IRAG2: variants seen among roughly 807,000 people sequenced by gnomAD.
IRAG2 encodes inositol 1,4,5-triphosphate receptor associated 2, also known as lymphoid restricted membrane protein.
IRAG2 carries 45 observed loss-of-function variants against 69.9 expected under a neutral mutation model. That is an observed-to-expected ratio of 0.64 (90% CI 0.51 to 0.83). The LOEUF (loss-of-function observed/expected upper bound fraction) is 0.83, where lower values mean the gene tolerates loss of function less well. Among genes scored for constraint, IRAG2 ranks in the 40% least tolerant of loss-of-function variants. The probability of loss-of-function intolerance (pLI) is 0.00; values close to 1 mark genes in which losing one functional copy is unlikely to be tolerated. For missense variants in IRAG2, 520 were observed against 587.0 expected, an observed-to-expected ratio of 0.89 and a Z score of 1.18; for synonymous variants, 193 against 202.4, an observed-to-expected ratio of 0.95 and a Z score of 0.40.
chr12:25,097,929 A>AT (rs1948519542), intron 15 of IRAG2, among the ~76,000 whole-genome samples: 1 of 152,204 alleles, frequency 6.6e-6, no homozygotes, highest in East Asian at 1.9e-4. Flanking sequence ...TTAGTGATTT[A>AT]TTTTCAGTTT....
intron 20 of IRAG2, among the ~76,000 whole-genome samples, chr12:25,105,923 C>G (rs1949065263): frequency 6.6e-6 from 1 of 152,074 alleles, no homozygotes; most frequent in Non-Finnish European, 1.5e-5. Context: ...TTTCAAAATT[C>G]AAATCCAACT....
Position 25,086,146 on chromosome 12 carries a change from G to A in IRAG2, c.316-1954G>A, listed in dbSNP as rs137932539. Reference sequence around the variant, plus strand: ...ATGGATCAATTTGCCATTGGAAGTTGTGGGACTGGTTAGGATACTATGGCA... The same window carrying A: ...ATGGATCAATTTGCCATTGGAAGTTATGGGACTGGTTAGGATACTATGGCA... On this transcript the variant is annotated intron_variant, in intron 10 of 21. Transcript: ENST00000556887. Among the ~76,000 whole-genome samples the A allele has an allele frequency of 2.0e-3, 309 of 152,322 alleles. 2 individuals are homozygous for A. The highest frequency in any genetic ancestry group is 7.0e-3 in the African/African-American group (292 of 41,578).
At chr12:25,077,198 AATATATATATGATATATATGAAAT>A (rs1946755386) in intron 6 of IRAG2, among the ~76,000 whole-genome samples, 2 of 63,540 alleles carry the variant, frequency 3.1e-5, no homozygotes, top group Non-Finnish European at 7.5e-5. Context: ...ATATATATGA[AATATATATATGATATATATGAAAT>A]ATATATGATA....
intron 16 of IRAG2, among the ~76,000 whole-genome samples, chr12:25,038,859 G>T (rs1033035063): frequency 1.3e-5 from 2 of 152,188 alleles, no homozygotes; most frequent in Non-Finnish European, 2.9e-5. Context: ...AGCCAGGTCT[G>T]TTGGCTCCTC....
chr12:25,054,002 T>G (rs1001260316), intron 1 of IRAG2, among the ~76,000 whole-genome samples: 12 of 151,974 alleles, frequency 7.9e-5, no homozygotes, highest in African/African-American at 2.9e-4. Flanking sequence ...GAGGCCGAGG[T>G]GGGCAGATTG....
chr12:25,007,343 T>C (rs905455402), intron 2 of IRAG2, among the ~76,000 whole-genome samples: 1 of 152,228 alleles, frequency 6.6e-6, no homozygotes, highest in Non-Finnish European at 1.5e-5. Flanking sequence ...TTATCAAATG[T>C]CTTGTTAGTA....
chr12:25,089,513 A>G, intron 11 of IRAG2, 101 bp from the exon 12 acceptor site: 1 of 666,062 alleles, frequency 1.5e-6, no homozygotes, highest in South Asian at 2.0e-5. Context: ...AGACATATTT[A>G]AATGAAATAC....
intron 15 of IRAG2, among the ~76,000 whole-genome samples, chr12:25,099,608 C>T (rs1196921698): frequency 6.6e-6 from 1 of 152,096 alleles, no homozygotes; most frequent in Non-Finnish European, 1.5e-5. Flanking sequence ...ATAAAGGAGC[C>T]AGAGTAATCC....
At chr12:25,072,459 C>T (rs1230606940) in intron 6 of IRAG2, among the ~76,000 whole-genome samples, 1 of 152,154 alleles carries the variant, frequency 6.6e-6, no homozygotes, top group African/African-American at 2.4e-5. Flanking sequence ...GCCTCTGACC[C>T]TTGTCCCTTG....
At chr12:25,036,542 A>T in intron 14 of IRAG2, 1 of 398,718 alleles carries the variant, frequency 2.5e-6, no homozygotes, top group Non-Finnish European at 4.4e-6. Context: ...ATTATATAAT[A>T]GCATATGTCT....
intron 9 of IRAG2, among the ~76,000 whole-genome samples, chr12:25,081,395 C>G (rs915426235): frequency 2.0e-4 from 31 of 152,180 alleles, no homozygotes; most frequent in African/African-American, 7.0e-4. Context: ...ACCCGGGAGG[C>G]GGAGCTTGCA....
At chr12:25,078,974 T>C (rs1281242106) in intron 6 of IRAG2, among the ~76,000 whole-genome samples, 1 of 152,210 alleles carries the variant, frequency 6.6e-6, no homozygotes, top group Non-Finnish European at 1.5e-5. Context: ...GCCATTTGAG[T>C]TTAGAATTTG....
At chr12:25,050,407 T>C (rs1449709565), upstream of IRAG2, among the ~76,000 whole-genome samples, 1 of 151,256 alleles carries the variant, frequency 6.6e-6, no homozygotes, top group East Asian at 2.0e-4. Context: ...TGCGTGCCTG[T>C]AGTCCCAGCT....
upstream of IRAG2, among the ~76,000 whole-genome samples, chr12:25,051,795 GCT>G (rs1944879254): frequency 6.6e-6 from 1 of 152,156 alleles, no homozygotes; most frequent in Non-Finnish European, 1.5e-5. Context: ...ATGAAACAAA[GCT>G]CTCTTTCCTT....
rs1947772488 is a variant in IRAG2, at chr12:25,088,128, A to G, written c.344A>G (p.Glu115Gly). ...GCCAAAGAGGAACCAGAAACAATAG[A>G]AGAACATAAAAAAGAACATGCTTCA... ...LEAKEEPETI[E>G]EHKKEHASGD... Residue 115 changes from glutamate (E) to glycine (G), a missense_variant, in exon 11 of 22, where the codon GAA becomes GGA. By Grantham distance (98) the Glu-to-Gly change is moderately conservative. Transcript: ENST00000556887. 5.6e-6 allele frequency: 9 copies of G among 1,613,386 alleles called. No homozygotes were observed. Among genetic ancestry groups the G allele is most frequent in the Non-Finnish European group, 5.9e-6 (7 of 1,179,440 alleles).
rs567441752 is a variant in IRAG2 at position 25,100,687 on chromosome 12, A to C, written c.742-491A>C. Reference sequence around the variant, plus strand: ...TTTTCAGCATGATAGATCCATCATCAACTATCTGTTCTTTCCCAATCCACA... The same window carrying C: ...TTTTCAGCATGATAGATCCATCATCCACTATCTGTTCTTTCCCAATCCACA... On this transcript the variant is annotated intron_variant, in intron 15 of 21. Coordinates refer to ENST00000556887, the MANE Select transcript of IRAG2 (RefSeq NM_001366544.2). Among the ~76,000 whole-genome samples, 17 of 152,298 alleles carry C rather than the reference A, an allele frequency of 1.1e-4. No homozygotes were observed. The South Asian group carries it at 2.5e-3, about 22-fold the overall frequency.
At chr12:25,018,548 C>A (rs1378253909) in intron 6 of IRAG2, among the ~76,000 whole-genome samples, 1 of 152,074 alleles carries the variant, frequency 6.6e-6, no homozygotes, top group African/African-American at 2.4e-5. Context: ...AAATCTTTGA[C>A]CTTGTCCAGT....
rs1419440697 is a variant in IRAG2, at chr12:25,033,858, C to T, written c.1654C>T (p.Gln552Ter). 5.0e-6 allele frequency: 2 copies of T among 398,798 alleles called. No homozygotes were observed. Among genetic ancestry groups the T allele is most frequent in the African/African-American group, 4.1e-5 (2 of 48,594 alleles). The allele number at this position is 398,798 out of a possible 1,614,324, so 24.7% of individuals were successfully genotyped here. A position where few individuals can be genotyped will look rare whatever the true frequency, so the allele number is the denominator to read the frequency against. ...TTTGTTTTTCTCAAGAAATGGGATC[C>T]AGTTGAATGTTAATGGAGAGTGTAA... Residue 552 changes from glutamine to a stop codon, truncating the protein, a stop_gained, in exon 13 of 39, where the codon CAG (glutamine) becomes TAG (stop). Transcript: ENST00000636465. LOFTEE classifies it high-confidence loss of function.
intron 10 of IRAG2, chr12:25,032,103 A>G (rs1050406049): frequency 7.5e-6 from 3 of 398,626 alleles, no homozygotes; most frequent in African/African-American, 4.1e-5. Context: ...TGGTGGACCC[A>G]TTACTTTTTT....
Sources: allele counts gnomAD v4.1 joint callset (sites outside exome capture counted in the v4.1 genomes callset), GRCh38; gene constraint gnomAD v4.1.1; transcripts MANE v1.5; gene names NCBI Gene and HGNC (gene_info 2026-07-23, HGNC 2026-07-21).